Variants in CES5A observed in about 807,000 individuals in gnomAD.
CES5A encodes carboxylesterase 5.
A neutral mutation model predicts 62.9 loss-of-function variants in CES5A; 67 were observed. That is an observed-to-expected ratio of 1.07 (90% CI 0.88 to 1.31). CES5A has a LOEUF of 1.31. Among genes scored for constraint, CES5A ranks in the 50% most tolerant of loss-of-function variants. The pLI, the probability that CES5A is intolerant of heterozygous loss-of-function variation, is 0.00. For missense variants in CES5A, 748 were observed against 708.5 expected (o/e 1.06, Z -0.63); for synonymous variants, 296 against 280.8 (o/e 1.05, Z -0.54).
intron 1 of CES5A, among the ~76,000 whole-genome samples, chr16:55,907,906 C>G (rs1295499156): frequency 6.6e-6 from 1 of 152,180 alleles, no homozygotes; most frequent in Non-Finnish European, 1.5e-5. Context: ...GGCAGGTCTG[C>G]TCCACAGGAA....
intron 2 of CES5A, among the ~76,000 whole-genome samples, chr16:55,948,439 T>C (rs573023291): frequency 2.0e-5 from 3 of 152,170 alleles, no homozygotes; most frequent in Non-Finnish European, 4.4e-5. Flanking sequence ...AGAAGTCGAA[T>C]ATAAATTCAT....
At chr16:55,924,255 G>A (rs1167623948) in intron 1 of CES5A, among the ~76,000 whole-genome samples, 1 of 151,806 alleles carries the variant, frequency 6.6e-6, no homozygotes, top group Non-Finnish European at 1.5e-5. Context: ...ACAAAAATCA[G>A]TAGCAATTAA....
At chr16:55,910,155 G>A (rs2034079611) in intron 1 of CES5A, among the ~76,000 whole-genome samples, 1 of 152,144 alleles carries the variant, frequency 6.6e-6, no homozygotes, top group African/African-American at 2.4e-5. Context: ...TGTGCCCTGT[G>A]GCCACACCCC....
chr16:55,861,082 C>T (rs1308730559), intron 7 of CES5A, among the ~76,000 whole-genome samples: 1 of 152,190 alleles, frequency 6.6e-6, no homozygotes, highest in Admixed American at 6.5e-5. Flanking sequence ...CCTAATAGAA[C>T]TTCCAGCTCC....
chr16:55,863,526 G>A, intron 5 of CES5A, 74 bp from the exon 6 acceptor site: 1 of 824,128 alleles, frequency 1.2e-6, no homozygotes, highest in Non-Finnish European at 2.1e-6. Context: ...CCTCTTCAAA[G>A]AAACCTTCCC....
intron 1 of CES5A, among the ~76,000 whole-genome samples, chr16:55,899,601 C>T (rs1326617256): frequency 6.6e-6 from 1 of 152,184 alleles, no homozygotes; most frequent in Non-Finnish European, 1.5e-5. Context: ...TTCCATGGAC[C>T]TTCAAAGGAG....
intron 2 of CES5A, chr16:55,944,534 C>T (rs1315003370): frequency 1.3e-5 from 2 of 157,700 alleles, no homozygotes; most frequent in African/African-American, 4.8e-5. Flanking sequence ...AGGGGGCCGT[C>T]TGCTTTAGGA....
intron 1 of CES5A, among the ~76,000 whole-genome samples, chr16:55,916,307 C>T (rs1382017642): frequency 6.6e-6 from 1 of 152,156 alleles, no homozygotes. Context: ...TATGTCTACA[C>T]CCTAGCAGAA....
intron 1 of CES5A, among the ~76,000 whole-genome samples, chr16:55,887,087 C>G (rs555282828): frequency 2.0e-5 from 3 of 152,208 alleles, no homozygotes; most frequent in East Asian, 3.9e-4. Context: ...GCAGTATATG[C>G]TCTATAATAC....
intron 1 of CES5A, among the ~76,000 whole-genome samples, chr16:55,903,205 G>A (rs1009753033): frequency 6.6e-6 from 1 of 152,106 alleles, no homozygotes. Context: ...CTCCTGGTAT[G>A]ATGCTCACCA....
chr16:55,910,971 C>T (rs956630573), intron 1 of CES5A, among the ~76,000 whole-genome samples: 5 of 152,204 alleles, frequency 3.3e-5, no homozygotes, highest in South Asian at 2.1e-4. Flanking sequence ...CTGTCTCACA[C>T]GATTTCCCAG....
In CES5A at chr16:55,856,421, C is replaced by CTCCT. The variant is rs748141959; in HGVS notation, c.1080_1081insAGGA (p.Gly361ArgfsTer28). 1 of 1,614,096 alleles carries CTCCT rather than the reference C, an allele frequency of 6.2e-7. No individual in the cohort carries two copies. Among genetic ancestry groups the CTCCT allele is most frequent in the African/African-American group, 1.3e-5 (1 of 75,018 alleles). On this transcript the variant is annotated frameshift_variant, in exon 9 of 13. Transcript: ENST00000290567. LOFTEE classifies it high-confidence loss of function. ...TGGAGGGCAAGGGACTTGTTGGAGC[C>CTCCT]ACTGAGGATCTCAGGAGCCTCCTTC...
At chr16:55,862,335 T>G (rs1167014130) in intron 6 of CES5A, among the ~76,000 whole-genome samples, 1 of 152,190 alleles carries the variant, frequency 6.6e-6, no homozygotes, top group Non-Finnish European at 1.5e-5. Flanking sequence ...TGCAAGCATG[T>G]GGAGTCTGGT....
intron 1 of CES5A, among the ~76,000 whole-genome samples, chr16:55,896,618 G>A (rs1477960467): frequency 2.0e-5 from 3 of 152,232 alleles, no homozygotes; most frequent in Non-Finnish European, 4.4e-5. Flanking sequence ...GTGTTAGGGT[G>A]GGGTAAGGCT....
chr16:55,945,033 A>T lies in CES5A; in HGVS notation c.160+4752T>A, dbSNP rs143261320. ...CGGTCACTCAAGTTTTCTCTTCTTC[A>T]ACTTTCTTCATTTTAAAATGGGGTT... On this transcript the variant is annotated intron_variant, in intron 2 of 13. Coordinates refer to the CES5A transcript ENST00000521992. Among the ~76,000 whole-genome samples, 4 of 152,134 alleles carry T rather than the reference A, an allele frequency of 2.6e-5. No homozygotes were observed. In the East Asian group the frequency reaches 7.7e-4, roughly 29 times the overall value.
intron 9 of CES5A, among the ~76,000 whole-genome samples, chr16:55,853,692 T>C (rs1296440221): frequency 6.6e-6 from 1 of 152,170 alleles, no homozygotes; most frequent in Non-Finnish European, 1.5e-5. Context: ...CTGGGCCCCA[T>C]TGCTGAGCGC....
chr16:55,847,316 TTCTC>T (rs1363847330), intron 11 of CES5A, among the ~76,000 whole-genome samples: 1 of 149,706 alleles, frequency 6.7e-6, no homozygotes, highest in Non-Finnish European at 1.5e-5. Flanking sequence ...TCTCTCTCCC[TTCTC>T]TCTTTCTTCC....
intron 1 of CES5A, among the ~76,000 whole-genome samples, chr16:55,924,177 C>T (rs1240164140): frequency 6.6e-6 from 1 of 151,550 alleles, no homozygotes; most frequent in African/African-American, 2.4e-5. Flanking sequence ...CTAAAGAATA[C>T]ACACACAAAA....
chr16:55,894,323 A>G (rs1201008021), intron 1 of CES5A, among the ~76,000 whole-genome samples: 1 of 151,964 alleles, frequency 6.6e-6, no homozygotes, highest in African/African-American at 2.4e-5. Flanking sequence ...CCTGGCCAAC[A>G]TAGTGAAACC....
Sources: allele counts gnomAD v4.1 joint callset (sites outside exome capture counted in the v4.1 genomes callset), GRCh38; gene constraint gnomAD v4.1.1; transcripts MANE v1.5; gene names NCBI Gene and HGNC (gene_info 2026-07-23, HGNC 2026-07-21).